Variants in GRM3 observed in about 807,000 individuals in gnomAD.
GRM3 encodes the protein metabotropic glutamate receptor 3.
GRM3 carries 26 observed loss-of-function variants against 70.5 expected under a neutral mutation model. The observed-to-expected ratio is 0.37, with a 90% CI of 0.27 to 0.51. The LOEUF (loss-of-function observed/expected upper bound fraction) is 0.51. Ranked by LOEUF, GRM3 falls within the 20% of genes least tolerant of loss-of-function variation. The pLI, the probability that GRM3 is intolerant of heterozygous loss-of-function variation, is 0.93. For synonymous variants in GRM3, 443 were observed against 434.9 expected (o/e 1.02, Z -0.23); for missense variants, 859 against 1,123.8 (o/e 0.76, Z 3.37).
At position 86,808,483 on chromosome 7, in the gene GRM3, CT is replaced by C. The variant is rs112935018; in HGVS notation, c.1324+21376del. On this transcript the variant is annotated intron_variant, in intron 3 of 5. Transcript: ENST00000361669. ...GCAATGGCCCCACCCTCTTCTGTAGCTTTTTTTTTCCCCCACAAATAAGCTA... is the reference window on the plus strand; with the variant it reads ...GCAATGGCCCCACCCTCTTCTGTAGCTTTTTTTTCCCCCACAAATAAGCTA... Among the ~76,000 whole-genome samples the C allele has an allele frequency of 2.1e-3, 317 of 150,938 alleles. 1 individual carries two copies. Among genetic ancestry groups the C allele is most frequent in the African/African-American group, 7.2e-3 (296 of 41,034 alleles).
At chr7:86,655,435 C>A (rs1205916370) in intron 1 of GRM3, among the ~76,000 whole-genome samples, 1 of 151,970 alleles carries the variant, frequency 6.6e-6, no homozygotes, top group Non-Finnish European at 1.5e-5. Context: ...AATAAAAAAG[C>A]AAATTTATTT....
chr7:86,645,041 G>T lies in GRM3; in HGVS notation c.-141+169G>T, dbSNP rs368346506. 58 of 359,218 alleles carry T rather than the reference G, an allele frequency of 1.6e-4. No homozygotes were observed. In the East Asian group the frequency reaches 2.0e-3, roughly 12 times the overall value. 22.3% of individuals were successfully genotyped at this position (359,218 alleles called of 1,614,324 possible). On this transcript the variant is annotated intron_variant, in intron 1 of 5. Transcript: ENST00000361669. ...GGTGGAGGGCAGAGGCGATGTGGGT[G>T]TGCATGAGTGAGAGTTTGTGTGTGT...
At chr7:86,684,255 T>C (rs944614617) in intron 1 of GRM3, among the ~76,000 whole-genome samples, 2 of 152,106 alleles carry the variant, frequency 1.3e-5, no homozygotes, top group Admixed American at 1.3e-4. Context: ...ATGCACAAAT[T>C]ATGAATGTCC....
At chr7:86,647,550 C>T (rs918320770) in intron 1 of GRM3, among the ~76,000 whole-genome samples, 5 of 152,036 alleles carry the variant, frequency 3.3e-5, no homozygotes, top group Non-Finnish European at 7.4e-5. Context: ...GAGTAATTCT[C>T]AAAAAAAGGA....
chr7:86,777,544 T>C (rs1796925682), intron 2 of GRM3, among the ~76,000 whole-genome samples: 1 of 152,204 alleles, frequency 6.6e-6, no homozygotes, highest in Admixed American at 6.5e-5. Context: ...CATATTATAC[T>C]GCGTACACTG....
intron 1 of GRM3, among the ~76,000 whole-genome samples, chr7:86,712,944 T>G (rs918260184): frequency 3.3e-5 from 5 of 152,122 alleles, no homozygotes; most frequent in African/African-American, 1.2e-4. Context: ...AACATAAAAA[T>G]GCAGATATCT....
At chr7:86,822,283 C>T (rs1798138071) in intron 3 of GRM3, among the ~76,000 whole-genome samples, 2 of 151,812 alleles carry the variant, frequency 1.3e-5, no homozygotes, top group African/African-American at 4.8e-5. Context: ...CTATTTGTGC[C>T]TTTAAGGAGT....
At chr7:86,772,385 C>T (rs975080393) in intron 2 of GRM3, among the ~76,000 whole-genome samples, 1 of 152,086 alleles carries the variant, frequency 6.6e-6, no homozygotes, top group Non-Finnish European at 1.5e-5. Flanking sequence ...CAATGGAAGA[C>T]TTGTTTAGAT....
At chr7:86,854,197 A>G (rs1211078138) in intron 5 of GRM3, among the ~76,000 whole-genome samples, 1 of 152,198 alleles carries the variant, frequency 6.6e-6, no homozygotes, top group Non-Finnish European at 1.5e-5. Context: ...GTATAATACC[A>G]AGAAGTCACC....
chr7:86,813,995 C>T (rs892576578), intron 3 of GRM3, among the ~76,000 whole-genome samples: 12 of 151,688 alleles, frequency 7.9e-5, no homozygotes, highest in Admixed American at 4.0e-4. Context: ...TATCCTCTAA[C>T]CCCCAATTTT....
At chr7:86,653,300 G>C (rs187317387) in intron 1 of GRM3, among the ~76,000 whole-genome samples, 5 of 152,284 alleles carry the variant, frequency 3.3e-5, no homozygotes, top group Admixed American at 2.0e-4. Context: ...TCGGGAGCTA[G>C]GGCTTCAGCA....
At chr7:86,734,908 A>T (rs1317476200) in intron 1 of GRM3, among the ~76,000 whole-genome samples, 1 of 152,160 alleles carries the variant, frequency 6.6e-6, no homozygotes, top group African/African-American at 2.4e-5. Flanking sequence ...ACTACACTTG[A>T]TAGAAAATAT....
chr7:86,665,663 C>A (rs549495667), intron 1 of GRM3, among the ~76,000 whole-genome samples: 1 of 152,060 alleles, frequency 6.6e-6, no homozygotes, highest in East Asian at 1.9e-4. Flanking sequence ...TCTCTATAAA[C>A]CATATGTTAT....
intron 3 of GRM3, among the ~76,000 whole-genome samples, chr7:86,812,102 C>T (rs942398576): frequency 2.6e-5 from 4 of 151,672 alleles, no homozygotes; most frequent in African/African-American, 9.7e-5. Context: ...GCATTCACAA[C>T]CATTGCAGTT....
chr7:86,798,547 T>C (rs552998304), intron 3 of GRM3, among the ~76,000 whole-genome samples: 2 of 152,308 alleles, frequency 1.3e-5, no homozygotes, highest in Admixed American at 1.3e-4. Flanking sequence ...CCCCATTGTA[T>C]ATAGGAAGTA....
chr7:86,698,518 A>G (rs2116078378), intron 1 of GRM3, among the ~76,000 whole-genome samples: 1 of 144,182 alleles, frequency 6.9e-6, no homozygotes, highest in Non-Finnish European at 1.5e-5. Context: ...TCTAAAAAGT[A>G]TTTATATATA....
At chr7:86,829,821 G>T (rs1416318091) in intron 3 of GRM3, among the ~76,000 whole-genome samples, 1 of 152,300 alleles carries the variant, frequency 6.6e-6, no homozygotes, top group Non-Finnish European at 1.5e-5. Context: ...TTGCCAGAAA[G>T]TGACACAGAC....
intron 1 of GRM3, among the ~76,000 whole-genome samples, chr7:86,677,994 A>G (rs1480802244): frequency 6.6e-6 from 1 of 152,042 alleles, no homozygotes; most frequent in Non-Finnish European, 1.5e-5. Context: ...ATTGAAATGT[A>G]ATAAAGTATT....
At chr7:86,758,777 T>G (rs1031712555) in intron 1 of GRM3, among the ~76,000 whole-genome samples, 16 of 152,138 alleles carry the variant, frequency 1.1e-4, no homozygotes, top group Admixed American at 6.6e-5. Context: ...GTGATTTTTA[T>G]TTTTTAATTT....
Sources: gnomAD v4.1 joint callset for allele counts (sites outside exome capture counted in the v4.1 genomes callset) on GRCh38, gnomAD v4.1.1 for gene constraint, MANE v1.5 for transcripts, NCBI Gene and HGNC (gene_info 2026-07-23, HGNC 2026-07-21) for gene names.